Variants in CD80 observed in about 807,000 individuals in gnomAD.
CD80 encodes the protein T-lymphocyte activation antigen CD80.
In CD80, 13 loss-of-function variants were observed where a neutral mutation model predicts 27.1. That is an observed-to-expected ratio of 0.48 (90% CI 0.31 to 0.76). CD80 has a LOEUF of 0.76. Ranked by LOEUF, CD80 falls within the 30% of genes least tolerant of loss-of-function variation. CD80 has a pLI of 0.04. For missense variants in CD80, 277 were observed against 347.9 expected (o/e 0.80, Z 1.62); for synonymous variants, 125 against 125.5 (o/e 1.00, Z 0.03).
At chr3:119,544,990 C>A in intron 2 of CD80, 123 bp from the exon 3 acceptor site, 1 of 746,408 alleles carries the variant, frequency 1.3e-6, no homozygotes, top group Non-Finnish European at 2.2e-6. Context: ...AGTATCAATC[C>A]AGTTTGATTT....
chr3:119,524,898 T>C lies in CD80; in HGVS notation c.*890A>G, dbSNP rs2082055885. The C allele has an allele frequency of 3.3e-5, 5 of 152,204 alleles. No homozygotes were observed. The highest frequency in any genetic ancestry group is 3.3e-4 in the Admixed American group (5 of 15,278). The allele number at this position is 152,204 out of a possible 1,614,324, so 9.4% of individuals were successfully genotyped here. A position where few individuals can be genotyped will look rare whatever the true frequency, so the allele number is the denominator to read the frequency against. ...ACTACCTTAGACATTTGAAGATAGCTTACTGCTTAGTACATACACTGTAAA... is the reference window on the plus strand; with the variant it reads ...ACTACCTTAGACATTTGAAGATAGCCTACTGCTTAGTACATACACTGTAAA... On this transcript the variant is annotated 3_prime_UTR_variant, in exon 7 of 7. Transcript: ENST00000264246.
At position 119,524,999 on chromosome 3, in the gene CD80, A is replaced by G. The variant is rs182875317; in HGVS notation, c.*789T>C. 6.6e-6 allele frequency: 1 copy of G among 152,358 alleles called. No individual in the cohort carries two copies. The highest frequency in any genetic ancestry group is 1.9e-4 in the East Asian group (1 of 5,192). The allele number at this position is 152,358 out of a possible 1,614,324, so 9.4% of individuals were successfully genotyped here. A position where few individuals can be genotyped will look rare whatever the true frequency, so the allele number is the denominator to read the frequency against. ...GGTCAAACTAGCATAAAGCCATTTA[A>G]AGAGATTATCAGTCCAATATGAACC... On this transcript the variant is annotated 3_prime_UTR_variant, in exon 7 of 7. Coordinates refer to ENST00000264246, the MANE Select transcript of CD80 (RefSeq NM_005191.4).
chr3:119,556,373 C>G (rs982567446), intron 2 of CD80, among the ~76,000 whole-genome samples: 1 of 151,662 alleles, frequency 6.6e-6, no homozygotes, highest in African/African-American at 2.4e-5. Flanking sequence ...TCCCTGCCCC[C>G]CTTATTTCTG....
At chr3:119,547,354 G>A (rs2082207572) in intron 2 of CD80, among the ~76,000 whole-genome samples, 1 of 152,120 alleles carries the variant, frequency 6.6e-6, no homozygotes, top group African/African-American at 2.4e-5. Flanking sequence ...AAGGGGGTGG[G>A]GAATTTACCA....
chr3:119,541,820 C>T (rs536390316), intron 3 of CD80, among the ~76,000 whole-genome samples: 31 of 152,338 alleles, frequency 2.0e-4, no homozygotes, highest in African/African-American at 7.2e-4. Context: ...CACACACCCT[C>T]GGTTCTGAGT....
intron 1 of CD80, 67 bp from the exon 2 acceptor site, chr3:119,557,995 C>T (rs984220899): frequency 1.4e-5 from 4 of 276,184 alleles, no homozygotes; most frequent in Admixed American, 5.2e-5. Flanking sequence ...GCAAAACTCT[C>T]GAGTTGCCTG....
chr3:119,540,137 G>A (rs1194498189), intron 3 of CD80, among the ~76,000 whole-genome samples: 3 of 152,186 alleles, frequency 2.0e-5, no homozygotes, highest in African/African-American at 4.8e-5. Flanking sequence ...TTTTAATAGA[G>A]ATGGGGTTTC....
intron 4 of CD80, among the ~76,000 whole-genome samples, chr3:119,533,081 T>G (rs181875901): frequency 6.6e-6 from 1 of 152,350 alleles, no homozygotes; most frequent in African/African-American, 2.4e-5. Flanking sequence ...TTCACAGGCT[T>G]CAGCTCATTC....
At chr3:119,545,648 G>A (rs564683104) in intron 2 of CD80, among the ~76,000 whole-genome samples, 2 of 152,126 alleles carry the variant, frequency 1.3e-5, no homozygotes, top group East Asian at 3.9e-4. Flanking sequence ...TGCACTCAAG[G>A]TTCATTCACG....
chr3:119,544,985 C>T (rs2082192944), intron 2 of CD80, 118 bp from the exon 3 acceptor site: 5 of 760,040 alleles, frequency 6.6e-6, no homozygotes, highest in Non-Finnish European at 8.5e-6. Context: ...GACTAAGTAT[C>T]AATCCAGTTT....
At chr3:119,537,507 A>G in intron 3 of CD80, 89 bp from the exon 4 acceptor site, 1 of 968,350 alleles carries the variant, frequency 1.0e-6, no homozygotes, top group Non-Finnish European at 1.5e-6. Context: ...TAGCTTTAAT[A>G]AGAATTGATA....
At chr3:119,555,229 T>TA (rs766726107) in intron 2 of CD80, among the ~76,000 whole-genome samples, 3 of 152,232 alleles carry the variant, frequency 2.0e-5, no homozygotes, top group Non-Finnish European at 2.9e-5. Flanking sequence ...GTACACTTGT[T>TA]ACAATCAATG....
intron 4 of CD80, among the ~76,000 whole-genome samples, chr3:119,533,230 G>A (rs995913633): frequency 2.6e-5 from 4 of 152,262 alleles, no homozygotes; most frequent in African/African-American, 9.6e-5. Context: ...ATCCCACAGG[G>A]GCAGACCCAG....
intron 2 of CD80, among the ~76,000 whole-genome samples, chr3:119,554,703 T>C (rs1442402970): frequency 6.6e-6 from 1 of 152,056 alleles, no homozygotes; most frequent in Non-Finnish European, 1.5e-5. Flanking sequence ...AATAAAGCCC[T>C]CTATAATCCT....
At position 119,544,781 on chromosome 3, in the gene CD80, G is replaced by A. The variant is rs1426836107; in HGVS notation, c.187C>T (p.Arg63Cys). Residue 63 changes from arginine (R) to cysteine (C), a missense_variant, in exon 3 of 7, where the codon CGC (arginine) becomes TGC (cysteine). Transcript: ENST00000264246. ...NVSVEELAQT[R>C]IYWQKEKKMV... ...TTCTTCTCCTTTTGCCAGTAGATGC[G>A]AGTTTGTGCCAGCTCTTCAACAGAA... 5.6e-6 allele frequency: 9 copies of A among 1,614,002 alleles called. 1 individual carries two copies. The highest frequency in any genetic ancestry group is 5.3e-5 in the African/African-American group (4 of 74,906).
rs910069510 is a variant in CD80 at position 119,524,779 on chromosome 3, A to C, written c.*1009T>G. 1.3e-5 allele frequency: 2 copies of C among 152,232 alleles called. No homozygotes were observed. The highest frequency in any genetic ancestry group is 4.8e-5 in the African/African-American group (2 of 41,460). 9.4% of individuals were successfully genotyped at this position (152,232 alleles called of 1,614,324 possible). A position where few individuals can be genotyped will look rare whatever the true frequency, so the allele number is the denominator to read the frequency against. On this transcript the variant is annotated 3_prime_UTR_variant, in exon 7 of 7. Coordinates refer to ENST00000264246, the MANE Select transcript of CD80 (RefSeq NM_005191.4). Reference sequence around the variant, plus strand: ...TGAGTAACATGAACAGCAGTTGGCTATGTCTTTCCAGTTCTCTGCTGATGT... The same window carrying C: ...TGAGTAACATGAACAGCAGTTGGCTCTGTCTTTCCAGTTCTCTGCTGATGT...
rs2082273070 is a variant in CD80 at position 119,557,897 on chromosome 3, G to A, written c.-169C>T. ...CACAGAGATTGGAGGGTGTTCCTGG[G>A]TCTCCAAAGGTTGTGGATTTAGTTT... is the stretch of plus-strand genomic sequence containing the variant. On this transcript the variant is annotated 5_prime_UTR_variant, in exon 2 of 7. Coordinates refer to ENST00000264246, the MANE Select transcript of CD80 (RefSeq NM_005191.4). 7.1e-6 allele frequency: 3 copies of A among 421,410 alleles called. No homozygotes were observed. The South Asian group carries it at 2.3e-4, about 32-fold the overall frequency. The allele number at this position is 421,410 out of a possible 1,614,324, so 26.1% of individuals were successfully genotyped here.
chr3:119,556,560 C>T (rs1025647123), intron 2 of CD80, among the ~76,000 whole-genome samples: 6 of 152,286 alleles, frequency 3.9e-5, no homozygotes, highest in African/African-American at 1.4e-4. Context: ...GGCCATGTTT[C>T]TCTTGGTTCT....
intron 2 of CD80, among the ~76,000 whole-genome samples, chr3:119,557,376 A>G (rs1487172152): frequency 6.6e-6 from 1 of 152,208 alleles, no homozygotes; most frequent in African/African-American, 2.4e-5. Context: ...TTGTTAAAAT[A>G]ACACTGTCCC....
Sources: allele counts gnomAD v4.1 joint callset (sites outside exome capture counted in the v4.1 genomes callset), GRCh38; gene constraint gnomAD v4.1.1; transcripts MANE v1.5; gene names NCBI Gene and HGNC (gene_info 2026-07-23, HGNC 2026-07-21).